The following QTMAN variants were observed in gnomAD, a reference collection of about 807,000 sequenced individuals.
QTMAN encodes the protein tRNA-queuosine alpha-mannosyltransferase.
At chr2:144,217,583 T>G in the QTMAN span, among the ~76,000 whole-genome samples, 2 of 152,136 alleles carry the variant, frequency 1.3e-5, no homozygotes, top group Non-Finnish European at 2.9e-5. Context: ...CTGAATATCA[T>G]ATAGTGAAAT....
the QTMAN span, among the ~76,000 whole-genome samples, chr2:144,201,315 T>C: frequency 2.0e-5 from 3 of 152,056 alleles, no homozygotes; most frequent in Non-Finnish European, 2.9e-5. Flanking sequence ...CAGCAAGCAG[T>C]AATAGGACTT....
chr2:144,031,752 A>AC, the QTMAN span, among the ~76,000 whole-genome samples: 1 of 151,974 alleles, frequency 6.6e-6, no homozygotes, highest in African/African-American at 2.4e-5. Flanking sequence ...GGGTATGATT[A>AC]CTTCTTCTTC....
the QTMAN span, among the ~76,000 whole-genome samples, chr2:144,150,913 C>T: frequency 6.6e-6 from 1 of 152,046 alleles, no homozygotes; most frequent in Non-Finnish European, 1.5e-5. Flanking sequence ...AGGCACTATG[C>T]TAAATTACAG....
the QTMAN span, among the ~76,000 whole-genome samples, chr2:144,023,132 A>G: frequency 6.6e-6 from 1 of 152,070 alleles, no homozygotes. Context: ...AAAGTCAGAA[A>G]CTTTTGGACT....
the QTMAN span, among the ~76,000 whole-genome samples, chr2:143,949,051 T>C: frequency 1.3e-5 from 2 of 152,098 alleles, no homozygotes; most frequent in African/African-American, 2.4e-5. Flanking sequence ...TTTTTAAAAT[T>C]ATTAAGAAAC....
chr2:144,184,752 TGC>T, the QTMAN span, among the ~76,000 whole-genome samples: 1 of 152,180 alleles, frequency 6.6e-6, no homozygotes, highest in Non-Finnish European at 1.5e-5. Flanking sequence ...TTATTTCATT[TGC>T]ATACAGGGAT....
chr2:144,019,680 A>AC, the QTMAN span, among the ~76,000 whole-genome samples: 1 of 152,162 alleles, frequency 6.6e-6, no homozygotes, highest in African/African-American at 2.4e-5. Context: ...TCCCACTTCA[A>AC]CACCAGAAAG....
At chr2:144,018,910 G>C in the QTMAN span, among the ~76,000 whole-genome samples, 1 of 152,170 alleles carries the variant, frequency 6.6e-6, no homozygotes, top group African/African-American at 2.4e-5. Flanking sequence ...CTTCAGCTGT[G>C]ACCTCCATGA....
chr2:144,163,564 T>C, the QTMAN span, among the ~76,000 whole-genome samples: 61 of 152,278 alleles, frequency 4.0e-4, no homozygotes, highest in African/African-American at 1.5e-3. Flanking sequence ...TGTAAATACA[T>C]AAGGAATATA....
chr2:144,182,874 TATATATATA>T, the QTMAN span, among the ~76,000 whole-genome samples: 1 of 76,504 alleles, frequency 1.3e-5, no homozygotes, highest in African/African-American at 6.6e-5. Context: ...ATATATATAT[TATATATATA>T]TTTTATATAT....
At chr2:143,999,003 G>A in the QTMAN span, among the ~76,000 whole-genome samples, 8 of 151,770 alleles carry the variant, frequency 5.3e-5, no homozygotes, top group Admixed American at 5.3e-4. Flanking sequence ...TTACCAAACA[G>A]TCACCCTATA....
chr2:144,004,184 G>T, the QTMAN span, among the ~76,000 whole-genome samples: 1 of 152,118 alleles, frequency 6.6e-6, no homozygotes, highest in East Asian at 1.9e-4. Flanking sequence ...TTCAAGCAGG[G>T]AGTTAAAGCA....
chr2:144,228,954 TC>T, the QTMAN span, among the ~76,000 whole-genome samples: 1 of 150,694 alleles, frequency 6.6e-6, no homozygotes, highest in African/African-American at 2.4e-5. Context: ...CAAGACTCCA[TC>T]CAAAAAAAAA....
At chr2:143,978,001 G>C in the QTMAN span, among the ~76,000 whole-genome samples, 1 of 152,108 alleles carries the variant, frequency 6.6e-6, no homozygotes, top group Non-Finnish European at 1.5e-5. Flanking sequence ...TCCTTTACCT[G>C]ATAATACTTA....
the QTMAN span, among the ~76,000 whole-genome samples, chr2:144,074,550 G>GT: frequency 6.6e-6 from 1 of 152,098 alleles, no homozygotes; most frequent in Non-Finnish European, 1.5e-5. Context: ...CTAATCTTGC[G>GT]TAACTGTGAT....
At chr2:144,265,513 C>T in the QTMAN span, among the ~76,000 whole-genome samples, 35 of 152,008 alleles carry the variant, frequency 2.3e-4, 1 homozygote, top group South Asian at 6.0e-3. Context: ...CTCGCTAATA[C>T]GGTGAAACTC....
At chr2:144,192,842 G>A in the QTMAN span, among the ~76,000 whole-genome samples, 39 of 152,042 alleles carry the variant, frequency 2.6e-4, no homozygotes, top group African/African-American at 8.2e-4. Flanking sequence ...TACTAAAGCC[G>A]GTATCAATTT....
chr2:144,046,538 C>T, the QTMAN span, among the ~76,000 whole-genome samples: 1 of 152,108 alleles, frequency 6.6e-6, no homozygotes, highest in Non-Finnish European at 1.5e-5. Flanking sequence ...ATGGCTGGCT[C>T]ATATAGGATC....
At chr2:144,318,802 G>T in the QTMAN span, among the ~76,000 whole-genome samples, 1 of 152,190 alleles carries the variant, frequency 6.6e-6, no homozygotes, top group Non-Finnish European at 1.5e-5. Context: ...TATCTAGGCT[G>T]TAGAGTTTTT....
Sources: allele counts gnomAD v4.1 joint callset (sites outside exome capture counted in the v4.1 genomes callset), GRCh38; gene constraint gnomAD v4.1.1; transcripts MANE v1.5; gene names NCBI Gene and HGNC (gene_info 2026-07-23, HGNC 2026-07-21).